Variants in UVRAG observed in about 807,000 individuals in gnomAD.
UVRAG encodes the protein UV radiation resistance-associated gene protein.
Under a neutral mutation model 78.0 loss-of-function variants are expected in UVRAG, and 19 were observed. The ratio of observed to expected loss-of-function variants is 0.24; its 90% CI spans 0.17 to 0.36. The LOEUF (loss-of-function observed/expected upper bound fraction) is 0.36. Among genes scored for constraint, UVRAG ranks in the 10% least tolerant of loss-of-function variants. The probability of loss-of-function intolerance (pLI) is 1.00; values close to 1 mark genes in which losing one functional copy is unlikely to be tolerated. For missense variants in UVRAG, 740 were observed against 853.8 expected, an observed-to-expected ratio of 0.87 and a Z score of 1.66; for synonymous variants, 323 against 324.6, an observed-to-expected ratio of 1.00 and a Z score of 0.05.
chr11:75,994,517 A>G (rs115126616), intron 8 of UVRAG, among the ~76,000 whole-genome samples: 1 of 152,196 alleles, frequency 6.6e-6, no homozygotes, highest in Non-Finnish European at 1.5e-5. Context: ...ATTCGTTTGA[A>G]TCCCACATAA....
At chr11:76,033,965 A>G (rs1204262672) in intron 12 of UVRAG, among the ~76,000 whole-genome samples, 2 of 152,204 alleles carry the variant, frequency 1.3e-5, no homozygotes, top group Admixed American at 1.3e-4. Context: ...CACTCAACCT[A>G]AGAACCTCAA....
chr11:76,080,490 C>T (rs1346812867), intron 13 of UVRAG, among the ~76,000 whole-genome samples: 1 of 151,750 alleles, frequency 6.6e-6, no homozygotes, highest in Non-Finnish European at 1.5e-5. Flanking sequence ...GCACATATTG[C>T]TTTTATAATA....
chr11:75,941,573 G>A (rs1242588350), intron 6 of UVRAG, among the ~76,000 whole-genome samples: 1 of 152,050 alleles, frequency 6.6e-6, no homozygotes, highest in Non-Finnish European at 1.5e-5. Context: ...TGATCCACTT[G>A]TTTATGCTCA....
intron 6 of UVRAG, among the ~76,000 whole-genome samples, chr11:75,959,948 A>G (rs1400423438): frequency 6.6e-6 from 1 of 152,224 alleles, no homozygotes; most frequent in Admixed American, 6.5e-5. Flanking sequence ...TAGAGCAGTC[A>G]GAACACAAAA....
At chr11:75,995,749 T>C (rs1949695060) in intron 8 of UVRAG, among the ~76,000 whole-genome samples, 1 of 152,102 alleles carries the variant, frequency 6.6e-6, no homozygotes, top group Non-Finnish European at 1.5e-5. Context: ...ATACAGTTAC[T>C]TATGAAAAGT....
At chr11:76,021,737 T>TTATTGACCAC (rs1407922141) in intron 12 of UVRAG, among the ~76,000 whole-genome samples, 1 of 152,234 alleles carries the variant, frequency 6.6e-6, no homozygotes, top group Non-Finnish European at 1.5e-5. Context: ...TGTGATTTCT[T>TTATTGACCAC]TATTGACCAC....
At chr11:75,826,000 C>G (rs1945501773) in intron 1 of UVRAG, among the ~76,000 whole-genome samples, 1 of 151,858 alleles carries the variant, frequency 6.6e-6, no homozygotes, top group African/African-American at 2.4e-5. Flanking sequence ...GCACGCTCGG[C>G]TAATTTTTGT....
At chr11:75,939,636 T>C (rs1948443176) in intron 6 of UVRAG, among the ~76,000 whole-genome samples, 1 of 152,066 alleles carries the variant, frequency 6.6e-6, no homozygotes. Flanking sequence ...TGGTCTAAAG[T>C]GTTCACCCCC....
At chr11:75,824,858 A>T (rs988567614) in intron 1 of UVRAG, among the ~76,000 whole-genome samples, 1 of 151,710 alleles carries the variant, frequency 6.6e-6, no homozygotes, top group East Asian at 2.0e-4. Flanking sequence ...TATTTTTAGT[A>T]GAGATGGGGT....
chr11:75,983,688 T>C, intron 8 of UVRAG, 175 bp downstream of exon 8: 2 of 890,522 alleles, frequency 2.2e-6, no homozygotes, highest in Non-Finnish European at 3.2e-6. Flanking sequence ...GCTGCCATCA[T>C]AGAGTATGTT....
intron 7 of UVRAG, among the ~76,000 whole-genome samples, chr11:75,973,871 C>G (rs1039434577): frequency 1.3e-5 from 2 of 152,186 alleles, no homozygotes; most frequent in Non-Finnish European, 2.9e-5. Flanking sequence ...CATGTCACTG[C>G]AAAGGACATG....
chr11:76,098,867 T>C (rs1365361573), intron 13 of UVRAG, among the ~76,000 whole-genome samples: 1 of 152,162 alleles, frequency 6.6e-6, no homozygotes, highest in Non-Finnish European at 1.5e-5. Context: ...CAAAGCACCT[T>C]ATGCAAACAA....
intron 12 of UVRAG, among the ~76,000 whole-genome samples, chr11:76,021,976 C>A (rs974803869): frequency 6.6e-6 from 1 of 152,112 alleles, no homozygotes; most frequent in Non-Finnish European, 1.5e-5. Flanking sequence ...ATTGATTAAG[C>A]CCAGGAGGCG....
intron 7 of UVRAG, among the ~76,000 whole-genome samples, chr11:75,981,405 C>T (rs1477878855): frequency 1.3e-5 from 2 of 152,104 alleles, no homozygotes; most frequent in African/African-American, 4.8e-5. Context: ...AGCCACTGTG[C>T]CTGCCCCTAA....
chr11:76,065,239 A>G (rs536173425), intron 12 of UVRAG, among the ~76,000 whole-genome samples: 97 of 152,340 alleles, frequency 6.4e-4, no homozygotes, highest in Middle Eastern at 6.8e-3. Flanking sequence ...TCATATTGGC[A>G]CTGTTGATTT....
intron 12 of UVRAG, among the ~76,000 whole-genome samples, chr11:76,032,840 C>T (rs755193710): frequency 2.0e-5 from 3 of 152,140 alleles, no homozygotes; most frequent in African/African-American, 7.2e-5. Context: ...TCTCACCTTG[C>T]CTCATAAGTG....
At chr11:76,096,651 G>A (rs540297223) in intron 13 of UVRAG, among the ~76,000 whole-genome samples, 28 of 152,256 alleles carry the variant, frequency 1.8e-4, no homozygotes, top group African/African-American at 4.8e-4. Context: ...CGTAAAACCC[G>A]AATGCCTTTT....
In UVRAG at chr11:76,143,687, C is replaced by T. The variant is rs1440141980; in HGVS notation, c.*2274C>T. Among the ~76,000 whole-genome samples, 6 of 152,220 alleles carry T rather than the reference C, an allele frequency of 3.9e-5. No individual in the cohort carries two copies. Among genetic ancestry groups the T allele is most frequent in the African/African-American group, 1.2e-4 (5 of 41,454 alleles). ...GTTTCTGCCATGACCTGGGTAGAAC[C>T]TATGGGATTACCCGTCTCCTGGAAT... is the stretch of plus-strand genomic sequence containing the variant. On this transcript the variant is annotated 3_prime_UTR_variant, in exon 15 of 15. Coordinates refer to ENST00000356136, the MANE Select transcript of UVRAG (RefSeq NM_003369.4).
Position 75,951,465 on chromosome 11 carries a change from C to T in UVRAG, c.594-9979C>T, listed in dbSNP as rs574751177. ...TGGTGCGATCTCAGCTCACCACAAC[C>T]TCTGCCTCCCAGGTTCAAGCAATTC... On this transcript the variant is annotated intron_variant, in intron 6 of 14. Transcript: ENST00000356136. Among the ~76,000 whole-genome samples, 21 of 152,168 alleles carry T rather than the reference C, an allele frequency of 1.4e-4. No individual in the cohort carries two copies. The East Asian group carries it at 2.5e-3, about 18-fold the overall frequency.
Sources: allele counts gnomAD v4.1 joint callset (sites outside exome capture counted in the v4.1 genomes callset), GRCh38; gene constraint gnomAD v4.1.1; transcripts MANE v1.5; gene names NCBI Gene and HGNC (gene_info 2026-07-23, HGNC 2026-07-21).